Variants in ALDH1A2 observed in about 807,000 individuals in gnomAD.
The protein encoded by ALDH1A2 is retinal dehydrogenase 2.
A neutral mutation model predicts 60.3 loss-of-function variants in ALDH1A2; 27 were observed. The observed-to-expected ratio is 0.45, with a 90% CI of 0.33 to 0.62. ALDH1A2 has a LOEUF of 0.62. ALDH1A2 is among the 20% of genes least tolerant of loss of function. ALDH1A2 has a pLI of 0.02. For synonymous variants in ALDH1A2, 289 were observed against 232.4 expected, an observed-to-expected ratio of 1.24 and a Z score of -2.21; for missense variants, 581 against 643.8, an observed-to-expected ratio of 0.90 and a Z score of 1.06.
intron 1 of ALDH1A2, among the ~76,000 whole-genome samples, chr15:58,035,388 C>G (rs1484829075): frequency 6.6e-6 from 1 of 151,322 alleles, no homozygotes; most frequent in African/African-American, 2.4e-5. Flanking sequence ...TAATTTTTTT[C>G]AAAGAACCAG....
At chr15:57,973,808 G>A (rs1268299014) in intron 7 of ALDH1A2, among the ~76,000 whole-genome samples, 1 of 152,214 alleles carries the variant, frequency 6.6e-6, no homozygotes, top group African/African-American at 2.4e-5. Context: ...TCTACAGAGA[G>A]AGAAGAATCA....
chr15:58,016,420 G>A (rs1050631758), intron 1 of ALDH1A2, among the ~76,000 whole-genome samples: 1 of 152,142 alleles, frequency 6.6e-6, no homozygotes, highest in East Asian at 1.9e-4. Context: ...TTACAGGCGT[G>A]AGCCACTGCA....
chr15:57,984,073 T>C (rs1315494536), intron 7 of ALDH1A2, among the ~76,000 whole-genome samples: 1 of 152,178 alleles, frequency 6.6e-6, no homozygotes, highest in African/African-American at 2.4e-5. Context: ...TTTTAATGGC[T>C]CTCCCCTATG....
chr15:58,012,793 AG>A (rs1385118879), intron 3 of ALDH1A2, among the ~76,000 whole-genome samples: 5 of 152,180 alleles, frequency 3.3e-5, no homozygotes, highest in Non-Finnish European at 7.4e-5. Flanking sequence ...ACACTGAGAA[AG>A]GGAAAAAATG....
At chr15:58,057,544 T>C (rs1896926190) in intron 1 of ALDH1A2, among the ~76,000 whole-genome samples, 1 of 152,206 alleles carries the variant, frequency 6.6e-6, no homozygotes, top group Non-Finnish European at 1.5e-5. Context: ...GGTACACACA[T>C]TTGTTATATT....
At chr15:58,008,090 C>G (rs1218378753) in intron 4 of ALDH1A2, among the ~76,000 whole-genome samples, 1 of 152,020 alleles carries the variant, frequency 6.6e-6, no homozygotes, top group Non-Finnish European at 1.5e-5. Context: ...CCAAGTTAAC[C>G]TCTACCTCCA....
At chr15:57,961,599 C>T (rs1893721902) in intron 10 of ALDH1A2, among the ~76,000 whole-genome samples, 1 of 152,186 alleles carries the variant, frequency 6.6e-6, no homozygotes, top group Admixed American at 6.5e-5. Context: ...AAACACTGCT[C>T]CAGAACGGAA....
At chr15:58,005,037 A>G (rs1400540747) in intron 4 of ALDH1A2, among the ~76,000 whole-genome samples, 1 of 151,774 alleles carries the variant, frequency 6.6e-6, no homozygotes, top group African/African-American at 2.4e-5. Flanking sequence ...GTGACTCACT[A>G]TTGCCTACAG....
At chr15:57,957,015 G>A (rs1313397134) in intron 12 of ALDH1A2, among the ~76,000 whole-genome samples, 1 of 152,196 alleles carries the variant, frequency 6.6e-6, no homozygotes, top group East Asian at 1.9e-4. Context: ...TCTGGGTCCT[G>A]AGCAGTGATC....
chr15:58,022,543 C>T (rs1183193770), intron 1 of ALDH1A2, among the ~76,000 whole-genome samples: 1 of 152,124 alleles, frequency 6.6e-6, no homozygotes, highest in Non-Finnish European at 1.5e-5. Flanking sequence ...GGGAAAGCCA[C>T]CTCAAGGCCA....
intron 10 of ALDH1A2, 65 bp from the exon 11 acceptor site, chr15:57,961,359 C>G: frequency 6.4e-7 from 1 of 1,573,562 alleles, no homozygotes; most frequent in South Asian, 1.1e-5. Context: ...TTCCACATTT[C>G]AATGCAAGTT....
At chr15:58,001,849 C>T (rs142394706) in intron 4 of ALDH1A2, among the ~76,000 whole-genome samples, 11 of 151,978 alleles carry the variant, frequency 7.2e-5, no homozygotes, top group African/African-American at 2.2e-4. Context: ...TAAAAAAGGA[C>T]TGCATTTGAT....
chr15:57,979,941 C>G (rs1894427817), intron 7 of ALDH1A2: 3 of 353,434 alleles, frequency 8.5e-6, no homozygotes, highest in Non-Finnish European at 1.8e-5. Flanking sequence ...TGTCGGTTCC[C>G]AGCTTGGTGT....
intron 4 of ALDH1A2, among the ~76,000 whole-genome samples, chr15:57,998,573 A>G (rs1233097481): frequency 2.0e-5 from 3 of 152,172 alleles, no homozygotes; most frequent in African/African-American, 7.2e-5. Flanking sequence ...AAATGGAAAA[A>G]CATTCCATGC....
At chr15:58,046,795 A>G (rs1896649967) in intron 1 of ALDH1A2, among the ~76,000 whole-genome samples, 1 of 152,050 alleles carries the variant, frequency 6.6e-6, no homozygotes, top group East Asian at 1.9e-4. Flanking sequence ...TCTTAACAGC[A>G]CTTAAAATGC....
chr15:58,045,000 C>T (rs796352244), intron 1 of ALDH1A2, among the ~76,000 whole-genome samples: 9 of 151,906 alleles, frequency 5.9e-5, no homozygotes, highest in African/African-American at 2.2e-4. Flanking sequence ...ATGGTCACTG[C>T]TCAAAGGGCT....
chr15:58,021,093 T>C (rs1284668640), intron 1 of ALDH1A2, among the ~76,000 whole-genome samples: 1 of 152,246 alleles, frequency 6.6e-6, no homozygotes, highest in African/African-American at 2.4e-5. Context: ...TATCTTTTCC[T>C]GTCTTTCTGC....
chr15:58,052,439 A>G (rs2140572114), intron 1 of ALDH1A2, among the ~76,000 whole-genome samples: 2 of 152,178 alleles, frequency 1.3e-5, no homozygotes, highest in East Asian at 3.9e-4. Context: ...TTTTGTAAGT[A>G]ACAAAGCTGT....
At chr15:57,962,212 C>A (rs201163351) in intron 9 of ALDH1A2, 36 bp from the exon 10 acceptor site, 6 of 1,607,444 alleles carry the variant, frequency 3.7e-6, no homozygotes, top group African/African-American at 2.7e-5. Flanking sequence ...CCAAATATAA[C>A]CTTCTATGAA....
Sources: allele counts gnomAD v4.1 joint callset (sites outside exome capture counted in the v4.1 genomes callset), GRCh38; gene constraint gnomAD v4.1.1; transcripts MANE v1.5; gene names NCBI Gene and HGNC (gene_info 2026-07-23, HGNC 2026-07-21).